The following YEATS2 variants were observed in gnomAD, a reference collection of about 807,000 sequenced individuals.
YEATS2 encodes YEATS domain-containing protein 2.
A neutral mutation model predicts 163.2 loss-of-function variants in YEATS2; 77 were observed. The observed-to-expected ratio is 0.47, with a 90% CI of 0.39 to 0.57. The LOEUF (loss-of-function observed/expected upper bound fraction) is 0.57, where lower values mean the gene tolerates loss of function less well. Ranked by LOEUF, YEATS2 falls within the 20% of genes least tolerant of loss-of-function variation. The probability of loss-of-function intolerance (pLI) is 0.00; values close to 1 mark genes in which losing one functional copy is unlikely to be tolerated. For missense variants in YEATS2, 1,549 were observed against 1,729.8 expected (o/e 0.90, Z 1.85); for synonymous variants, 631 against 645.1 (o/e 0.98, Z 0.33).
intron 8 of YEATS2, among the ~76,000 whole-genome samples, chr3:183,740,521 T>C (rs1193357256): frequency 6.6e-6 from 1 of 152,198 alleles, no homozygotes; most frequent in Non-Finnish European, 1.5e-5. Flanking sequence ...GTCTCAGTGA[T>C]CTGTATAGAA....
At chr3:183,787,308 A>G (rs1037389752) in intron 20 of YEATS2, among the ~76,000 whole-genome samples, 15 of 152,090 alleles carry the variant, frequency 9.9e-5, no homozygotes, top group African/African-American at 3.4e-4. Context: ...CCAAGTGGCT[A>G]CATTATTTTA....
At chr3:183,800,673 A>G (rs763487532) in intron 24 of YEATS2, 105 bp downstream of exon 24, 1 of 869,390 alleles carries the variant, frequency 1.2e-6, no homozygotes, top group Non-Finnish European at 1.8e-6. Context: ...TAAGCCCTTG[A>G]CGGGAGGAAC....
intron 1 of YEATS2, among the ~76,000 whole-genome samples, chr3:183,698,301 C>G (rs1335622959): frequency 1.3e-5 from 2 of 152,204 alleles, no homozygotes; most frequent in Non-Finnish European, 2.9e-5. Flanking sequence ...GGATGTTAAG[C>G]TCTTGGCCTT....
Position 183,773,775 on chromosome 3 carries a change from G to A in YEATS2, c.2349G>A (p.Leu783=), listed in dbSNP as rs371326529. 5.6e-6 allele frequency: 9 copies of A among 1,608,650 alleles called. No individual in the cohort carries two copies. The highest frequency in any genetic ancestry group is 7.6e-6 in the Non-Finnish European group (9 of 1,178,510). ...KLLLIPQGAI[L]RATNNANLQS... ...TGCTGATCCCTCAAGGAGCCATCCT[G>A]CGAGCTACGAACAATGCTAGTTAGT... is the stretch of plus-strand genomic sequence containing the variant. Residue 783 remains leucine, a synonymous_variant, in exon 17 of 31, where the codon CTG becomes CTA. Coordinates refer to ENST00000305135, the MANE Select transcript of YEATS2 (RefSeq NM_018023.5).
At chr3:183,739,186 G>A (rs559985103) in intron 8 of YEATS2, among the ~76,000 whole-genome samples, 195 of 152,116 alleles carry the variant, frequency 1.3e-3, no homozygotes, top group African/African-American at 4.5e-3. Context: ...GTTTGCAGAC[G>A]ACATGATTGT....
At chr3:183,793,009 G>T in intron 21 of YEATS2, 1 of 657,764 alleles carries the variant, frequency 1.5e-6, no homozygotes, top group South Asian at 2.0e-5. Context: ...TTTTGTTTTT[G>T]TTTTTCTATA....
At chr3:183,709,558 C>G (rs1714970568) in intron 1 of YEATS2, among the ~76,000 whole-genome samples, 1 of 152,100 alleles carries the variant, frequency 6.6e-6, no homozygotes, top group Non-Finnish European at 1.5e-5. Flanking sequence ...GGGTTTCAAG[C>G]TCCTAACCTC....
chr3:183,741,269 C>A (rs1188823325), intron 8 of YEATS2, among the ~76,000 whole-genome samples: 4 of 152,062 alleles, frequency 2.6e-5, no homozygotes, highest in African/African-American at 9.7e-5. Context: ...GAAACCAGCG[C>A]TTATTTACCA....
At chr3:183,746,543 A>G (rs1013259664) in intron 8 of YEATS2, among the ~76,000 whole-genome samples, 6 of 152,114 alleles carry the variant, frequency 3.9e-5, no homozygotes, top group Non-Finnish European at 7.4e-5. Flanking sequence ...TGTCCTATCC[A>G]ATGTCCCTCT....
At chr3:183,786,042 G>A in intron 19 of YEATS2, 83 bp from the exon 20 acceptor site, 2 of 1,464,152 alleles carry the variant, frequency 1.4e-6, no homozygotes, top group Non-Finnish European at 1.9e-6. Context: ...AAGTCATGGG[G>A]CGTATCTCAG....
rs1720229437 is a variant in YEATS2 at position 183,752,103 on chromosome 3, C to A, written c.1000C>A (p.Leu334Ile). ...VVDVELHRHS[L>I]GEDCIYPQSS... is the part of the protein sequence containing the mutation. ...GGATGTTGAACTCCATCGCCATTCT[C>A]TCGGAGAAGACTGTATCTATCCTCA... The change falls in exon 10 of 31, where the codon CTC (leucine) becomes ATC (isoleucine). Residue 334 changes from leucine (L) to isoleucine (I), a missense_variant. Leu to Ile is a conservative substitution (Grantham distance 5). Transcript: ENST00000305135. The A allele has an allele frequency of 1.9e-6, 3 of 1,613,986 alleles. No homozygotes were observed. Among genetic ancestry groups the A allele is most frequent in the Non-Finnish European group, 2.5e-6 (3 of 1,180,030 alleles).
At chr3:183,809,572 G>A (rs911241951) in intron 30 of YEATS2, 1 of 156,792 alleles carries the variant, frequency 6.4e-6, no homozygotes, top group African/African-American at 2.4e-5. Flanking sequence ...CAGGAAACCG[G>A]GCTTTGAAAG....
chr3:183,801,360 C>A, intron 24 of YEATS2, 95 bp from the exon 25 acceptor site: 1 of 766,776 alleles, frequency 1.3e-6, no homozygotes, highest in Non-Finnish European at 2.0e-6. Context: ...TCCCTCAGAA[C>A]GGAATATATC....
At chr3:183,791,725 C>T (rs547421448) in intron 21 of YEATS2, among the ~76,000 whole-genome samples, 2 of 152,112 alleles carry the variant, frequency 1.3e-5, no homozygotes, top group African/African-American at 4.8e-5. Flanking sequence ...GACTCCAAGT[C>T]ATAATTTTTA....
At chr3:183,725,153 A>T (rs16858037) in intron 6 of YEATS2, among the ~76,000 whole-genome samples, 1 of 148,038 alleles carries the variant, frequency 6.8e-6, no homozygotes, top group Non-Finnish European at 1.5e-5. Context: ...TACTGCCTCT[A>T]TACTGTGACA....
intron 9 of YEATS2, among the ~76,000 whole-genome samples, chr3:183,751,285 T>A (rs1442665688): frequency 6.6e-6 from 1 of 152,252 alleles, no homozygotes; most frequent in African/African-American, 2.4e-5. Flanking sequence ...GTTCCATTGG[T>A]CTGTATGTCT....
At chr3:183,743,760 C>T (rs1719220268) in intron 8 of YEATS2, among the ~76,000 whole-genome samples, 2 of 152,114 alleles carry the variant, frequency 1.3e-5, no homozygotes, top group Non-Finnish European at 1.5e-5. Context: ...TGATACTGTA[C>T]ATCTCCAAAG....
In YEATS2 at chr3:183,728,735, T is replaced by C. The variant is rs749779166; in HGVS notation, c.696T>C (p.His232=). The C allele has an allele frequency of 1.9e-6, 3 of 1,613,874 alleles. No homozygotes were observed. Residue 232 remains histidine (H), a synonymous_variant, in exon 7 of 31, where the codon CAT becomes CAC. Transcript: ENST00000305135. ...DKREENDQST[H]KWMVYVRGSR... ...GGGAAGAAAATGACCAGTCAACTCA[T>C]AAGTGGATGGTATATGTCCGAGGGT...
intron 15 of YEATS2, among the ~76,000 whole-genome samples, chr3:183,765,298 G>A (rs942987643): frequency 6.6e-6 from 1 of 152,184 alleles, no homozygotes; most frequent in Non-Finnish European, 1.5e-5. Context: ...TGCTGTTTAT[G>A]TTAGAAGCTC....
Sources: gnomAD v4.1 joint callset for allele counts (sites outside exome capture counted in the v4.1 genomes callset) on GRCh38, gnomAD v4.1.1 for gene constraint, MANE v1.5 for transcripts, NCBI Gene and HGNC (gene_info 2026-07-23, HGNC 2026-07-21) for gene names.